Variants in TMEFF2 observed in about 807,000 individuals in gnomAD.
TMEFF2 encodes the protein transmembrane protein with EGF like and two follistatin like domains 2.
A neutral mutation model predicts 53.8 loss-of-function variants in TMEFF2; 28 were observed. The ratio of observed to expected loss-of-function variants is 0.52; its 90% confidence interval spans 0.39 to 0.71. The LOEUF (loss-of-function observed/expected upper bound fraction) is 0.71. TMEFF2 is among the 30% of genes least tolerant of loss of function. The probability of loss-of-function intolerance (pLI) is 0.00; values close to 1 mark genes in which losing one functional copy is unlikely to be tolerated. For synonymous variants in TMEFF2, 162 were observed against 166.3 expected (o/e 0.97, Z 0.20); for missense variants, 353 against 455.2 (o/e 0.78, Z 2.04).
At chr2:192,093,716 C>T (rs1688842567) in intron 4 of TMEFF2, among the ~76,000 whole-genome samples, 1 of 151,932 alleles carries the variant, frequency 6.6e-6, no homozygotes, top group Non-Finnish European at 1.5e-5. Context: ...CCTTATTTGC[C>T]ACTTCTAGAT....
intron 7 of TMEFF2, among the ~76,000 whole-genome samples, chr2:191,962,861 G>C (rs1692312964): frequency 6.6e-6 from 1 of 152,180 alleles, no homozygotes; most frequent in East Asian, 1.9e-4. Context: ...AGTGAAGAGA[G>C]CAGGCCGCTG....
chr2:192,102,315 G>A (rs562775797), intron 4 of TMEFF2, among the ~76,000 whole-genome samples: 3 of 152,202 alleles, frequency 2.0e-5, no homozygotes, highest in South Asian at 2.1e-4. Flanking sequence ...CACAGATCAC[G>A]TATTCTTCTG....
At chr2:192,126,447 A>G (rs1689681017) in intron 4 of TMEFF2, among the ~76,000 whole-genome samples, 1 of 152,204 alleles carries the variant, frequency 6.6e-6, no homozygotes, top group Non-Finnish European at 1.5e-5. Flanking sequence ...TTGTATAAAG[A>G]TATTGTATGA....
chr2:192,096,960 G>A (rs560476823), intron 4 of TMEFF2, among the ~76,000 whole-genome samples: 1 of 151,956 alleles, frequency 6.6e-6, no homozygotes, highest in African/African-American at 2.4e-5. Context: ...ACAGGCATGA[G>A]CCACCAGGCC....
intron 5 of TMEFF2, among the ~76,000 whole-genome samples, chr2:192,025,079 G>T (rs1216670763): frequency 6.6e-6 from 1 of 152,146 alleles, no homozygotes; most frequent in African/African-American, 2.4e-5. Context: ...TACTCACTCA[G>T]GACTAAGTAA....
chr2:192,122,703 C>T (rs1307734758), intron 4 of TMEFF2, among the ~76,000 whole-genome samples: 5 of 151,880 alleles, frequency 3.3e-5, no homozygotes, highest in African/African-American at 1.2e-4. Context: ...AGAAGATTAC[C>T]TTTATGAAAT....
intron 4 of TMEFF2, among the ~76,000 whole-genome samples, chr2:192,148,410 G>A (rs751040143): frequency 2.0e-5 from 3 of 151,974 alleles, no homozygotes; most frequent in Non-Finnish European, 4.4e-5. Flanking sequence ...AGAAAGTTGA[G>A]ATTTCTGTTC....
At chr2:192,083,049 C>T (rs1195329592) in intron 4 of TMEFF2, among the ~76,000 whole-genome samples, 7 of 145,970 alleles carry the variant, frequency 4.8e-5, no homozygotes, top group African/African-American at 1.3e-4. Context: ...AAAACATTTT[C>T]GTTAGGGACA....
At chr2:191,972,615 A>T (rs1177659359) in intron 7 of TMEFF2, among the ~76,000 whole-genome samples, 2 of 152,102 alleles carry the variant, frequency 1.3e-5, no homozygotes, top group African/African-American at 4.8e-5. Flanking sequence ...CCAGTCTTCA[A>T]CTTGGGTAGT....
intron 4 of TMEFF2, among the ~76,000 whole-genome samples, chr2:192,066,444 A>G (rs563943607): frequency 3.7e-4 from 56 of 152,026 alleles, no homozygotes; most frequent in Admixed American, 9.2e-4. Context: ...GAAAAGCCCA[A>G]GAACCAAGCT....
intron 4 of TMEFF2, among the ~76,000 whole-genome samples, chr2:192,152,062 C>A (rs753479615): frequency 6.6e-6 from 1 of 151,760 alleles, no homozygotes; most frequent in East Asian, 1.9e-4. Context: ...GGTGGTAATC[C>A]GGAGATGAAT....
chr2:192,023,155 G>A (rs1048686215), intron 5 of TMEFF2, among the ~76,000 whole-genome samples: 3 of 152,142 alleles, frequency 2.0e-5, no homozygotes, highest in East Asian at 1.9e-4. Flanking sequence ...ATGTTGGCAG[G>A]TTGATGGACA....
At chr2:191,951,165 A>G (rs114867914) in intron 9 of TMEFF2, among the ~76,000 whole-genome samples, 6 of 149,718 alleles carry the variant, frequency 4.0e-5, no homozygotes, top group East Asian at 1.9e-4. Flanking sequence ...ATGTGTATGT[A>G]TGTGTGTGTG....
intron 7 of TMEFF2, among the ~76,000 whole-genome samples, chr2:191,963,348 CCTTT>C (rs1692325286): frequency 6.6e-6 from 1 of 152,174 alleles, no homozygotes; most frequent in Admixed American, 6.5e-5. Context: ...ATCCAGGCAT[CCTTT>C]CTTAGTGAGC....
intron 4 of TMEFF2, among the ~76,000 whole-genome samples, chr2:192,149,863 A>T (rs1690342820): frequency 6.6e-6 from 1 of 151,992 alleles, no homozygotes; most frequent in Non-Finnish European, 1.5e-5. Context: ...TAAACACACA[A>T]TTCCATGAAG....
intron 5 of TMEFF2, chr2:192,032,119 A>G (rs1687153243): frequency 6.6e-6 from 1 of 152,210 alleles, no homozygotes. Context: ...AAGATATATA[A>G]GACCAGCAAC....
intron 4 of TMEFF2, among the ~76,000 whole-genome samples, chr2:192,151,004 T>C (rs560868999): frequency 4.0e-5 from 6 of 151,880 alleles, no homozygotes; most frequent in South Asian, 4.2e-4. Context: ...GGAGGTACCA[T>C]ATGGGAGGTG....
At chr2:192,103,707 A>T (rs1689085213) in intron 4 of TMEFF2, among the ~76,000 whole-genome samples, 1 of 152,088 alleles carries the variant, frequency 6.6e-6, no homozygotes, top group Non-Finnish European at 1.5e-5. Context: ...GACCTTGATT[A>T]CAGGGCTCTC....
At chr2:191,952,467 G>A (rs1236224956) in intron 9 of TMEFF2, among the ~76,000 whole-genome samples, 1 of 152,058 alleles carries the variant, frequency 6.6e-6, no homozygotes, top group African/African-American at 2.4e-5. Context: ...CTATGTTTTA[G>A]ATTCTTTTCT....
Sources: gnomAD v4.1 joint callset for allele counts (sites outside exome capture counted in the v4.1 genomes callset) on GRCh38, gnomAD v4.1.1 for gene constraint, MANE v1.5 for transcripts, NCBI Gene and HGNC (gene_info 2026-07-23, HGNC 2026-07-21) for gene names.